NELL1: variants seen among roughly 807,000 people sequenced by gnomAD.
NELL1 encodes protein kinase C-binding protein NELL1.
In NELL1, 76 loss-of-function variants were observed where a neutral mutation model predicts 107.4. The observed-to-expected ratio is 0.71, with a 90% CI of 0.59 to 0.86. The LOEUF (loss-of-function observed/expected upper bound fraction) is 0.86, where lower values mean the gene tolerates loss of function less well. Among genes scored for constraint, NELL1 ranks in the 40% least tolerant of loss-of-function variants. The pLI is 0.00. For synonymous variants in NELL1, 353 were observed against 341.2 expected (o/e 1.03, Z -0.38); for missense variants, 1,024 against 1,005.5 (o/e 1.02, Z -0.25).
At chr11:21,414,809 G>A (rs115173310) in intron 15 of NELL1, among the ~76,000 whole-genome samples, 2,168 of 152,044 alleles carry the variant, frequency 0.014, 53 homozygotes, top group African/African-American at 0.046. Context: ...AGATAATCCC[G>A]GAATAGTTTC....
intron 13 of NELL1, among the ~76,000 whole-genome samples, chr11:21,145,532 C>T (rs1453991): frequency 0.25 from 37,806 of 152,070 alleles, 4,953 homozygotes; most frequent in Middle Eastern, 0.34. Context: ...AAAGGAAATA[C>T]CACAATTAAC....
intron 12 of NELL1, among the ~76,000 whole-genome samples, chr11:21,083,474 G>A (rs147418887): frequency 1.3e-5 from 2 of 152,156 alleles, no homozygotes; most frequent in East Asian, 3.9e-4. Flanking sequence ...AGTGTTAACA[G>A]GTTACACACT....
At chr11:21,573,656 A>C (rs919212555) in intron 19 of NELL1, among the ~76,000 whole-genome samples, 2 of 151,814 alleles carry the variant, frequency 1.3e-5, no homozygotes, top group African/African-American at 4.8e-5. Flanking sequence ...TAATTTTGAC[A>C]AGTGATTCTT....
chr11:20,844,174 A>G (rs998844343), intron 3 of NELL1, among the ~76,000 whole-genome samples: 2 of 152,112 alleles, frequency 1.3e-5, no homozygotes, highest in African/African-American at 4.8e-5. Flanking sequence ...TAAGTGGAAA[A>G]TTGATTCATT....
rs115046106 is a variant in NELL1 at position 21,423,949 on chromosome 11, C to T, written c.1645+53001C>T. 2.8e-3 allele frequency among the ~76,000 whole-genome samples: 431 copies of T among 152,256 alleles called. 5 individuals carry two copies. Among genetic ancestry groups the T allele is most frequent in the African/African-American group, 9.9e-3 (413 of 41,556 alleles). The stretch of plus-strand genomic sequence containing the variant: ...TGAATGAAAACAAAAGCATAACACA[C>T]CCAAAGTTACAGCATGTGCTGAAAG... On this transcript the variant is annotated intron_variant, in intron 15 of 19. Coordinates refer to ENST00000357134, the MANE Select transcript of NELL1 (RefSeq NM_006157.5).
intron 13 of NELL1, among the ~76,000 whole-genome samples, chr11:21,222,105 G>A (rs570081305): frequency 1.3e-3 from 191 of 152,122 alleles, no homozygotes; most frequent in Non-Finnish European, 1.7e-3. Flanking sequence ...TCTAGCGAAA[G>A]GTTTGTTGAT....
chr11:21,134,835 G>T (rs1244561716), intron 13 of NELL1, among the ~76,000 whole-genome samples: 1 of 152,152 alleles, frequency 6.6e-6, no homozygotes, highest in African/African-American at 2.4e-5. Context: ...TAGCATTTCG[G>T]AGCCAGCAGA....
At chr11:21,343,567 CA>C (rs1850622150) in intron 14 of NELL1, among the ~76,000 whole-genome samples, 1 of 152,142 alleles carries the variant, frequency 6.6e-6, no homozygotes, top group Non-Finnish European at 1.5e-5. Flanking sequence ...GCTGCCACAA[CA>C]GTCTAGGCCA....
At chr11:21,525,799 G>A (rs1855838524) in intron 15 of NELL1, among the ~76,000 whole-genome samples, 1 of 152,122 alleles carries the variant, frequency 6.6e-6, no homozygotes, top group African/African-American at 2.4e-5. Flanking sequence ...GATCTCATGA[G>A]ACTTATTCAC....
chr11:20,812,437 C>T (rs113059000), intron 3 of NELL1, among the ~76,000 whole-genome samples: 2,093 of 152,198 alleles, frequency 0.014, 60 homozygotes, highest in African/African-American at 0.047. Flanking sequence ...ATATGTGTAT[C>T]CTTTTCTGGC....
chr11:20,756,529 T>C lies in NELL1; in HGVS notation c.185-27151T>C, dbSNP rs573168026. Among the ~76,000 whole-genome samples, 76 of 146,262 alleles carry C rather than the reference T, an allele frequency of 5.2e-4. No individual in the cohort carries two copies. The South Asian group carries it at 0.016, about 31-fold the overall frequency. On this transcript the variant is annotated intron_variant, in intron 2 of 19. Transcript: ENST00000357134. ...TAATTTTTTGTAATTTTTTTTTTTT[T>C]TTTTTTTTTTTTTAGTAGAGACAGG...
intron 14 of NELL1, among the ~76,000 whole-genome samples, chr11:21,230,215 G>C (rs1235892531): frequency 6.6e-6 from 1 of 152,124 alleles, no homozygotes; most frequent in African/African-American, 2.4e-5. Context: ...CAACCTGACA[G>C]AACATCACAG....
intron 2 of NELL1, among the ~76,000 whole-genome samples, chr11:20,746,611 G>A (rs979923286): frequency 1.4e-5 from 2 of 146,830 alleles, no homozygotes; most frequent in African/African-American, 5.3e-5. Flanking sequence ...CACACACGTG[G>A]AATTGAACAT....
intron 14 of NELL1, among the ~76,000 whole-genome samples, chr11:21,291,902 A>T (rs1296829406): frequency 6.6e-6 from 1 of 152,196 alleles, no homozygotes; most frequent in Non-Finnish European, 1.5e-5. Context: ...ACTCTCAATA[A>T]ACTAGGTATT....
intron 15 of NELL1, among the ~76,000 whole-genome samples, chr11:21,479,839 A>T (rs932576153): frequency 1.2e-4 from 19 of 152,252 alleles, no homozygotes; most frequent in Admixed American, 9.8e-4. Flanking sequence ...CAAAAATTAA[A>T]ACTTTACAAA....
At chr11:21,482,186 C>T (rs1854510241) in intron 15 of NELL1, among the ~76,000 whole-genome samples, 1 of 152,210 alleles carries the variant, frequency 6.6e-6, no homozygotes, top group South Asian at 2.1e-4. Context: ...GAATGCTTTG[C>T]ATAAGGCATC....
chr11:21,258,175 A>T (rs934009741), intron 14 of NELL1, among the ~76,000 whole-genome samples: 2 of 152,012 alleles, frequency 1.3e-5, no homozygotes, highest in African/African-American at 2.4e-5. Flanking sequence ...AAAAAATGTT[A>T]TGTGACTTGC....
At chr11:21,471,835 A>G (rs1854191512) in intron 15 of NELL1, among the ~76,000 whole-genome samples, 1 of 152,090 alleles carries the variant, frequency 6.6e-6, no homozygotes, top group African/African-American at 2.4e-5. Flanking sequence ...TTATGCATAC[A>G]TGCATGCATA....
At chr11:21,290,256 C>T (rs1849220409) in intron 14 of NELL1, among the ~76,000 whole-genome samples, 1 of 151,936 alleles carries the variant, frequency 6.6e-6, no homozygotes, top group Non-Finnish European at 1.5e-5. Flanking sequence ...GTAGTCCCAG[C>T]TACTTGGGAG....
Sources: allele counts gnomAD v4.1 joint callset (sites outside exome capture counted in the v4.1 genomes callset), GRCh38; gene constraint gnomAD v4.1.1; transcripts MANE v1.5; gene names NCBI Gene and HGNC (gene_info 2026-07-23, HGNC 2026-07-21).